Variants in USP10 observed in about 807,000 individuals in gnomAD.
USP10 encodes ubiquitin carboxyl-terminal hydrolase 10.
Under a neutral mutation model 84.5 loss-of-function variants are expected in USP10, and 22 were observed. That is an observed-to-expected ratio of 0.26 (90% CI 0.19 to 0.37). The LOEUF is 0.37. Ranked by LOEUF, USP10 falls within the 10% of genes least tolerant of loss-of-function variation. The pLI is 1.00. For missense variants in USP10, 1,019 were observed against 998.9 expected (o/e 1.02, Z -0.27); for synonymous variants, 454 against 387.6 (o/e 1.17, Z -2.01).
chr16:84,715,424 C>G lies in USP10; in HGVS notation c.21+15313C>G, dbSNP rs1382341893. Among the ~76,000 whole-genome samples the G allele has an allele frequency of 2.6e-5, 4 of 152,134 alleles. No individual in the cohort carries two copies. The East Asian group carries it at 7.7e-4, about 29-fold the overall frequency. On this transcript the variant is annotated intron_variant, in intron 1 of 13. Coordinates refer to ENST00000219473, the MANE Select transcript of USP10 (RefSeq NM_005153.3). ...AATTATGTGGTGCATGTGGCAGGTT[C>G]TTTTGTAGTAATTCAGAGAATGAAG... is the stretch of plus-strand genomic sequence containing the variant.
chr16:84,768,277 G>T lies in USP10; in HGVS notation c.1917G>T (p.Lys639Asn), dbSNP rs949186208. The T allele has an allele frequency of 6.2e-7, 1 of 1,607,678 alleles. No individual in the cohort carries two copies. Among genetic ancestry groups the T allele is most frequent in the Non-Finnish European group, 8.5e-7 (1 of 1,176,790 alleles). Residue 639 changes from lysine (K) to asparagine (N), a missense_variant, in exon 11 of 14, where the codon AAG (lysine) becomes AAT (asparagine). Physicochemically the swap from Lys to Asn is moderately conservative, Grantham distance 94. This residue lies in a region of USP10 where 232 missense variants were observed against 290.1 expected (regional missense o/e 0.80). Coordinates refer to ENST00000219473, the MANE Select transcript of USP10 (RefSeq NM_005153.3). ...FTLQLDIQSD[K>N]IRTVQDALES... Reference sequence around the variant, plus strand: ...TGCAGTTGGATATCCAGTCAGACAAGATACGCACAGTCCAGGATGCACTGG... The same window carrying T: ...TGCAGTTGGATATCCAGTCAGACAATATACGCACAGTCCAGGATGCACTGG...
At chr16:84,760,075 G>A (rs1913029307) in intron 7 of USP10, 97 bp from the exon 8 acceptor site, 2 of 1,512,860 alleles carry the variant, frequency 1.3e-6, no homozygotes, top group East Asian at 4.6e-5. Flanking sequence ...TCAACATTCA[G>A]CCAGGTGGGA....
At chr16:84,751,166 C>G (rs1395414219) in intron 4 of USP10, among the ~76,000 whole-genome samples, 1 of 152,222 alleles carries the variant, frequency 6.6e-6, no homozygotes, top group Non-Finnish European at 1.5e-5. Flanking sequence ...CAGTACACAA[C>G]ATGCTGTACG....
At chr16:84,703,594 A>C (rs1905147778) in intron 1 of USP10, among the ~76,000 whole-genome samples, 1 of 152,266 alleles carries the variant, frequency 6.6e-6, no homozygotes, top group Non-Finnish European at 1.5e-5. Flanking sequence ...AGTAATGAGC[A>C]GCTGAAGTAA....
intron 13 of USP10, among the ~76,000 whole-genome samples, chr16:84,776,322 G>GGGTGAGGGCCCA (rs1555550739): frequency 6.6e-6 from 1 of 150,872 alleles, no homozygotes. Flanking sequence ...TGGGGGCCCA[G>GGGTGAGGGCCCA]GGGTGAGGGC....
intron 4 of USP10, among the ~76,000 whole-genome samples, chr16:84,757,476 TG>T (rs1324999591): frequency 6.6e-6 from 1 of 151,610 alleles, no homozygotes; most frequent in Admixed American, 6.6e-5. Context: ...TTTTTTCATT[TG>T]ATTAGTGCCG....
chr16:84,771,476 C>G (rs1282762022), intron 11 of USP10, among the ~76,000 whole-genome samples: 2 of 151,970 alleles, frequency 1.3e-5, no homozygotes, highest in Non-Finnish European at 2.9e-5. Context: ...GCATGGGCAA[C>G]CAGAGTGAGA....
Position 84,779,644 on chromosome 16 carries a change from A to T in USP10, c.*562A>T, listed in dbSNP as rs537623174. ...ATAATTGTACTGAGAGAAACTGCTT[A>T]CGTACACATTGCAGATCAAATATTT... On this transcript the variant is annotated 3_prime_UTR_variant, in exon 14 of 14. Coordinates refer to ENST00000219473, the MANE Select transcript of USP10 (RefSeq NM_005153.3). The T allele has an allele frequency of 1.3e-5, 2 of 153,026 alleles. No individual in the cohort carries two copies. The highest frequency in any genetic ancestry group is 6.5e-5 in the Admixed American group (1 of 15,322). 9.5% of individuals were successfully genotyped at this position (153,026 alleles called of 1,614,324 possible).
intron 9 of USP10, among the ~76,000 whole-genome samples, chr16:84,763,875 C>T (rs967544697): frequency 1.3e-4 from 19 of 150,232 alleles, no homozygotes; most frequent in Non-Finnish European, 2.4e-4. Context: ...GCACCTGTTG[C>T]GATTGGTTGC....
At chr16:84,756,071 G>T (rs1456224182) in intron 4 of USP10, among the ~76,000 whole-genome samples, 1 of 151,974 alleles carries the variant, frequency 6.6e-6, no homozygotes, top group Non-Finnish European at 1.5e-5. Flanking sequence ...CTTGGATTGG[G>T]CTAAGCATCC....
chr16:84,710,019 C>T (rs1302357515), intron 1 of USP10, among the ~76,000 whole-genome samples: 4 of 152,140 alleles, frequency 2.6e-5, no homozygotes, highest in Non-Finnish European at 1.5e-5. Flanking sequence ...CCTGTAATCC[C>T]AGCACTTTGG....
intron 4 of USP10, among the ~76,000 whole-genome samples, chr16:84,756,207 C>T (rs1198854778): frequency 6.6e-6 from 1 of 152,162 alleles, no homozygotes; most frequent in Non-Finnish European, 1.5e-5. Flanking sequence ...GGCAGGACCA[C>T]CTTGCATTCA....
intron 4 of USP10, among the ~76,000 whole-genome samples, chr16:84,758,331 C>T (rs1208622390): frequency 1.3e-5 from 2 of 152,050 alleles, no homozygotes; most frequent in Admixed American, 6.6e-5. Flanking sequence ...GTGTCTGAGG[C>T]GCCTTGCTGC....
rs373224037 is a variant in USP10, at chr16:84,714,537, TG to T, written c.21+14427del. On this transcript the variant is annotated intron_variant, in intron 1 of 13. Coordinates refer to ENST00000219473, the MANE Select transcript of USP10 (RefSeq NM_005153.3). ...TCCATTAAATATTTTCCTTTGCGAT[TG>T]TTTTTTTTTTTAGATCTCAAGAGCC... Among the ~76,000 whole-genome samples, 166 of 152,216 alleles carry T rather than the reference TG, an allele frequency of 1.1e-3. 1 individual carries two copies. Among genetic ancestry groups the T allele is most frequent in the African/African-American group, 3.8e-3 (156 of 41,562 alleles).
At chr16:84,725,569 T>C (rs983721184) in intron 1 of USP10, among the ~76,000 whole-genome samples, 49 of 151,728 alleles carry the variant, frequency 3.2e-4, no homozygotes, top group Non-Finnish European at 1.3e-4. Context: ...CCCGGCTAAT[T>C]TTTTTTTGTG....
chr16:84,741,389 A>G (rs1910603337), intron 3 of USP10, among the ~76,000 whole-genome samples: 1 of 152,180 alleles, frequency 6.6e-6, no homozygotes, highest in Non-Finnish European at 1.5e-5. Context: ...GCTGATGTCA[A>G]CCTCTCAGAC....
chr16:84,735,213 GTGTGTGTGTGTGTGTGTGTGTGTGGT>G (rs1233918153), intron 2 of USP10, among the ~76,000 whole-genome samples: 2 of 63,082 alleles, frequency 3.2e-5, no homozygotes, highest in Non-Finnish European at 5.8e-5. Flanking sequence ...GTGTGTGTGT[GTGTGTGTGTGTGTGTGTGTGTGTGGT>G]GTGTGTGTTT....
Position 84,779,550 on chromosome 16 carries a change from C to G in USP10, c.*468C>G, listed in dbSNP as rs1915357034. On this transcript the variant is annotated 3_prime_UTR_variant, in exon 14 of 14. Coordinates refer to ENST00000219473, the MANE Select transcript of USP10 (RefSeq NM_005153.3). ...AAATGAGCCAGTTATCAAAGAAGAACTAGTTCTTACTTCAAAAGAAAAATA... is the reference window on the plus strand; with the variant it reads ...AAATGAGCCAGTTATCAAAGAAGAAGTAGTTCTTACTTCAAAAGAAAAATA... 6.5e-6 allele frequency: 1 copy of G among 153,014 alleles called. No homozygotes were observed. The highest frequency in any genetic ancestry group is 1.5e-5 in the Non-Finnish European group (1 of 68,380). 9.5% of individuals were successfully genotyped at this position (153,014 alleles called of 1,614,324 possible). A position where few individuals can be genotyped will look rare whatever the true frequency, so the allele number is the denominator to read the frequency against.
intron 1 of USP10, among the ~76,000 whole-genome samples, chr16:84,705,715 C>CTTTTTTTTT (rs1034372044): frequency 1.7e-4 from 12 of 71,294 alleles, no homozygotes; most frequent in Admixed American, 3.5e-4. Flanking sequence ...CCCTTGCTTG[C>CTTTTTTTTT]TTTTTTTTTT....
Sources: gnomAD v4.1 joint callset for allele counts (sites outside exome capture counted in the v4.1 genomes callset) on GRCh38, gnomAD v4.1.1 for gene constraint, gnomAD v4.1.1 regional missense constraint, MANE v1.5 for transcripts, NCBI Gene and HGNC (gene_info 2026-07-23, HGNC 2026-07-21) for gene names.